Variants in FAM168A observed in about 807,000 individuals in gnomAD.
The protein encoded by FAM168A is family with sequence similarity 168 member A, also known as protein FAM168A.
FAM168A carries 3 observed loss-of-function variants against 28.5 expected under a neutral mutation model. That is an observed-to-expected ratio of 0.11 (90% CI 0.05 to 0.27). The LOEUF is 0.27. Ranked by LOEUF, FAM168A falls within the 10% of genes least tolerant of loss-of-function variation. The pLI, the probability that FAM168A is intolerant of heterozygous loss-of-function variation, is 1.00. For synonymous variants in FAM168A, 122 were observed against 124.2 expected, an observed-to-expected ratio of 0.98 and a Z score of 0.12; for missense variants, 222 against 311.5, an observed-to-expected ratio of 0.71 and a Z score of 2.16.
chr11:73,446,936 ACTT>A (rs1867326520), intron 2 of FAM168A, among the ~76,000 whole-genome samples: 3 of 152,154 alleles, frequency 2.0e-5, no homozygotes, highest in South Asian at 4.1e-4. Context: ...AAAGTTCCAA[ACTT>A]CTTATCACAG....
At chr11:73,538,001 A>G (rs1404549686) in intron 1 of FAM168A, among the ~76,000 whole-genome samples, 3 of 152,184 alleles carry the variant, frequency 2.0e-5, no homozygotes, top group African/African-American at 4.8e-5. Context: ...CCTTTCCTAT[A>G]TATTCTCTCA....
At chr11:73,409,288 G>A (rs752076686) in intron 6 of FAM168A, among the ~76,000 whole-genome samples, 199 bp downstream of exon 6, 4 of 151,964 alleles carry the variant, frequency 2.6e-5, no homozygotes, top group Non-Finnish European at 4.4e-5. Flanking sequence ...ACCCTTTAAG[G>A]CCTAGCTCGA....
chr11:73,536,895 A>G (rs1374259553), intron 1 of FAM168A, among the ~76,000 whole-genome samples: 1 of 152,222 alleles, frequency 6.6e-6, no homozygotes, highest in Non-Finnish European at 1.5e-5. Context: ...CAATGAAGGC[A>G]CTAAAATAAA....
At chr11:73,444,573 T>C (rs1238930338) in intron 2 of FAM168A, among the ~76,000 whole-genome samples, 1 of 152,246 alleles carries the variant, frequency 6.6e-6, no homozygotes. Context: ...AACATTTTTG[T>C]CCCTCTTTAA....
At chr11:73,418,975 A>T (rs1418868510) in intron 4 of FAM168A, among the ~76,000 whole-genome samples, 2 of 151,588 alleles carry the variant, frequency 1.3e-5, no homozygotes, top group African/African-American at 4.8e-5. Context: ...TGCCCGGCTA[A>T]TTTTTTTTGT....
At chr11:73,495,201 C>T (rs1399631214) in intron 1 of FAM168A, among the ~76,000 whole-genome samples, 1 of 151,394 alleles carries the variant, frequency 6.6e-6, no homozygotes, top group Non-Finnish European at 1.5e-5. Flanking sequence ...TGGTGGCAGG[C>T]ACCTGTAGTC....
intron 1 of FAM168A, among the ~76,000 whole-genome samples, chr11:73,593,620 A>G (rs765201928): frequency 5.9e-5 from 9 of 152,250 alleles, no homozygotes; most frequent in African/African-American, 9.6e-5. Flanking sequence ...TAAATACCAC[A>G]ATACTAAGAA....
rs1943390770 is a variant in FAM168A at position 73,522,262 on chromosome 11, T to G, written c.-18-53770A>C. On this transcript the variant is annotated intron_variant, in intron 1 of 7. Coordinates refer to ENST00000356467, the MANE Select transcript of FAM168A (RefSeq NM_015159.3). Reference sequence around the variant, plus strand: ...GACATTTTGGAAAGCAATTTTATGTTAATTTATTAACACAGAATCAGCTAC... The same window carrying G: ...GACATTTTGGAAAGCAATTTTATGTGAATTTATTAACACAGAATCAGCTAC... Among the ~76,000 whole-genome samples the G allele has an allele frequency of 2.0e-5, 3 of 151,970 alleles. No individual in the cohort carries two copies. The South Asian group carries it at 6.2e-4, about 32-fold the overall frequency.
intron 1 of FAM168A, among the ~76,000 whole-genome samples, chr11:73,524,547 T>C (rs1034805915): frequency 3.3e-5 from 5 of 152,092 alleles, no homozygotes; most frequent in Non-Finnish European, 7.4e-5. Context: ...CTTGTTTTCA[T>C]TCTACCTTAT....
chr11:73,446,101 A>C (rs1755635312), intron 2 of FAM168A, among the ~76,000 whole-genome samples: 1 of 152,230 alleles, frequency 6.6e-6, no homozygotes, highest in Admixed American at 6.5e-5. Flanking sequence ...TGCAAATGAC[A>C]CTGTGTACTC....
chr11:73,550,161 AAG>A (rs1477476277), intron 1 of FAM168A, among the ~76,000 whole-genome samples: 2 of 152,234 alleles, frequency 1.3e-5, no homozygotes, highest in Non-Finnish European at 2.9e-5. Context: ...ATAATAAAGA[AAG>A]AGAGATAAAT....
chr11:73,467,215 T>A (rs1471560621), intron 2 of FAM168A, among the ~76,000 whole-genome samples: 1 of 151,888 alleles, frequency 6.6e-6, no homozygotes. Context: ...AAGATCCTCC[T>A]TTCCTCTAGA....
At chr11:73,572,809 T>C (rs911593306) in intron 1 of FAM168A, among the ~76,000 whole-genome samples, 3 of 152,030 alleles carry the variant, frequency 2.0e-5, no homozygotes, top group East Asian at 1.9e-4. Context: ...CTGACCTTCC[T>C]TCCACTATTG....
At chr11:73,443,845 C>T (rs950203814) in intron 2 of FAM168A, among the ~76,000 whole-genome samples, 4 of 152,116 alleles carry the variant, frequency 2.6e-5, no homozygotes, top group African/African-American at 9.7e-5. Flanking sequence ...TCTATGTTAG[C>T]ACCAGTGTCC....
intron 2 of FAM168A, among the ~76,000 whole-genome samples, chr11:73,438,229 A>C (rs1590775525): frequency 6.6e-6 from 1 of 152,238 alleles, no homozygotes; most frequent in African/African-American, 2.4e-5. Context: ...AAAATAATAT[A>C]GTTATTTAAA....
intron 2 of FAM168A, among the ~76,000 whole-genome samples, chr11:73,459,582 C>T (rs918595548): frequency 1.3e-5 from 2 of 151,936 alleles, no homozygotes; most frequent in African/African-American, 4.8e-5. Context: ...AGTCAAATGT[C>T]CTGAGCAAAG....
chr11:73,438,072 A>G lies in FAM168A; in HGVS notation c.71-7302T>C, dbSNP rs554928182. ...AGACTATGGTGATTGTGGTCAGTGA[A>G]GGCCTAAAGTGACTGCATCCAGATT... On this transcript the variant is annotated intron_variant, in intron 2 of 7. Transcript: ENST00000356467. Among the ~76,000 whole-genome samples, 3 of 152,300 alleles carry G rather than the reference A, an allele frequency of 2.0e-5. No homozygotes were observed. The East Asian group carries it at 5.8e-4, about 29-fold the overall frequency.
At chr11:73,409,086 T>A (rs1866560284) in intron 6 of FAM168A, among the ~76,000 whole-genome samples, 1 of 152,150 alleles carries the variant, frequency 6.6e-6, no homozygotes, top group Non-Finnish European at 1.5e-5. Flanking sequence ...CCCCATTGTG[T>A]GCAACAGAGG....
intron 1 of FAM168A, among the ~76,000 whole-genome samples, chr11:73,557,291 A>T (rs1943902543): frequency 1.3e-5 from 2 of 152,202 alleles, no homozygotes; most frequent in African/African-American, 2.4e-5. Context: ...AGAACAATCC[A>T]ATTCATGGAG....
Sources: gnomAD v4.1 joint callset for allele counts (sites outside exome capture counted in the v4.1 genomes callset) on GRCh38, gnomAD v4.1.1 for gene constraint, MANE v1.5 for transcripts, NCBI Gene and HGNC (gene_info 2026-07-23, HGNC 2026-07-21) for gene names.